CACNA1E: variants seen among roughly 807,000 people sequenced by gnomAD.
CACNA1E encodes the protein calcium voltage-gated channel subunit alpha1 E.
A neutral mutation model predicts 259.2 loss-of-function variants in CACNA1E; 40 were observed. That is an observed-to-expected ratio of 0.15 (90% CI 0.12 to 0.20). The LOEUF (loss-of-function observed/expected upper bound fraction) is 0.20. Ranked by LOEUF, CACNA1E falls within the 10% of genes least tolerant of loss-of-function variation. CACNA1E has a pLI of 1.00. For missense variants in CACNA1E, 1,874 were observed against 3,040.1 expected, an observed-to-expected ratio of 0.62 and a Z score of 9.02; for synonymous variants, 1,104 against 1,138.5, an observed-to-expected ratio of 0.97 and a Z score of 0.61.
intron 1 of CACNA1E, among the ~76,000 whole-genome samples, chr1:181,381,243 A>G (rs1386093290): frequency 1.3e-5 from 2 of 152,176 alleles, no homozygotes; most frequent in Non-Finnish European, 2.9e-5. Context: ...AAAAAATGAA[A>G]CAACTGAAAT....
intron 6 of CACNA1E, among the ~76,000 whole-genome samples, chr1:181,588,433 C>T (rs773167919): frequency 9.2e-5 from 14 of 152,204 alleles, no homozygotes; most frequent in South Asian, 2.1e-4. Flanking sequence ...TTCTCCCCAC[C>T]GCTCCCTCCC....
intron 2 of CACNA1E, among the ~76,000 whole-genome samples, chr1:181,461,912 T>C (rs1053169535): frequency 1.3e-5 from 2 of 151,612 alleles, no homozygotes; most frequent in African/African-American, 4.9e-5. Context: ...CCTTCTAGGC[T>C]TTTTTTTCCC....
At chr1:181,425,634 G>A (rs991624077) in intron 2 of CACNA1E, among the ~76,000 whole-genome samples, 1 of 148,444 alleles carries the variant, frequency 6.7e-6, no homozygotes, top group African/African-American at 2.5e-5. Flanking sequence ...GAAGGTGCAG[G>A]TGAGAAGGCT....
chr1:181,533,605 G>A (rs955935603), intron 3 of CACNA1E, among the ~76,000 whole-genome samples: 2 of 139,764 alleles, frequency 1.4e-5, no homozygotes, highest in African/African-American at 5.0e-5. Flanking sequence ...ATATGAATTA[G>A]AACTAACTTG....
chr1:181,401,593 A>G (rs976845439), intron 1 of CACNA1E, among the ~76,000 whole-genome samples: 2 of 151,336 alleles, frequency 1.3e-5, no homozygotes, highest in African/African-American at 4.9e-5. Flanking sequence ...GGCTTGTAAA[A>G]CCTCCAGTAT....
At chr1:181,479,889 G>A (rs1301533914), upstream of CACNA1E, among the ~76,000 whole-genome samples, 2 of 152,194 alleles carry the variant, frequency 1.3e-5, no homozygotes, top group African/African-American at 2.4e-5. Context: ...GTCAAGGGTC[G>A]TGATACATGT....
chr1:181,430,715 C>A (rs1483298992), intron 2 of CACNA1E, among the ~76,000 whole-genome samples: 1 of 152,204 alleles, frequency 6.6e-6, no homozygotes. Context: ...GGCTGTCTTT[C>A]ATTTTGAAAG....
intron 1 of CACNA1E, among the ~76,000 whole-genome samples, chr1:181,359,691 C>T (rs1204887460): frequency 2.0e-5 from 3 of 152,154 alleles, no homozygotes; most frequent in African/African-American, 7.2e-5. Flanking sequence ...CCGAGCTTCC[C>T]TGGTCTTTTC....
At chr1:181,625,765 G>A (rs932708652) in intron 6 of CACNA1E, among the ~76,000 whole-genome samples, 8 of 152,112 alleles carry the variant, frequency 5.3e-5, no homozygotes, top group Middle Eastern at 3.2e-3. Flanking sequence ...AATTTCCTTC[G>A]ACAACTTTTT....
At position 181,794,886 on chromosome 1, in the gene CACNA1E, T is replaced by C. The variant is rs369826974; in HGVS notation, c.6050T>C (p.Met2017Thr). 1.2e-6 allele frequency: 2 copies of C among 1,613,474 alleles called. No homozygotes were observed. The highest frequency in any genetic ancestry group is 1.3e-5 in the African/African-American group (1 of 74,934). The change falls in exon 46 of 48, where the codon ATG becomes ACG. Residue 2017 changes from methionine (M) to threonine (T), a missense_variant. This residue lies in a region of CACNA1E where 542 missense variants were observed against 587.2 expected (regional missense o/e 0.92). Coordinates refer to ENST00000367573, the MANE Select transcript of CACNA1E (RefSeq NM_001205293.3). ...DPQVVTDPSS[M>T]RRSFSTIRDK... Reference sequence around the variant, plus strand: ...CAGGTGGTGACAGACCCTAGCTCCATGAGACGTTCATTTTCCACTATTCGG... The same window carrying C: ...CAGGTGGTGACAGACCCTAGCTCCACGAGACGTTCATTTTCCACTATTCGG...
intron 3 of CACNA1E, among the ~76,000 whole-genome samples, chr1:181,562,933 A>G (rs1041755504): frequency 6.6e-6 from 1 of 152,228 alleles, no homozygotes; most frequent in African/African-American, 2.4e-5. Context: ...CAGTTCCTGT[A>G]TATAGGCACA....
intron 5 of CACNA1E, 126 bp downstream of exon 5, chr1:181,579,350 G>A (rs749056413): frequency 5.2e-6 from 4 of 766,018 alleles, no homozygotes; most frequent in Non-Finnish European, 8.3e-6. Context: ...AGAATCAGAA[G>A]CTTCTAGTCA....
At chr1:181,720,484 T>G in intron 14 of CACNA1E, 147 bp downstream of exon 14, 1 of 845,152 alleles carries the variant, frequency 1.2e-6, no homozygotes, top group Non-Finnish European at 1.8e-6. Flanking sequence ...AGTTCATATG[T>G]GGAGTAAACG....
intron 3 of CACNA1E, among the ~76,000 whole-genome samples, chr1:181,513,744 T>C (rs1007928872): frequency 2.6e-5 from 4 of 152,300 alleles, no homozygotes; most frequent in African/African-American, 9.6e-5. Flanking sequence ...AGGGTTCTTT[T>C]GTCAGCGAAG....
chr1:181,402,869 T>A (rs1033139311), intron 1 of CACNA1E, among the ~76,000 whole-genome samples: 2 of 152,242 alleles, frequency 1.3e-5, no homozygotes, highest in African/African-American at 4.8e-5. Flanking sequence ...AGGTAAGGAA[T>A]CAGATTTTGA....
chr1:181,654,722 C>T (rs781111157), intron 7 of CACNA1E, among the ~76,000 whole-genome samples: 4 of 152,150 alleles, frequency 2.6e-5, no homozygotes, highest in Admixed American at 6.5e-5. Flanking sequence ...CGCTGGCTCA[C>T]GCCTGTAATC....
intron 7 of CACNA1E, among the ~76,000 whole-genome samples, chr1:181,709,600 C>G (rs780253841): frequency 3.3e-5 from 5 of 152,208 alleles, no homozygotes; most frequent in Admixed American, 6.5e-5. Context: ...GCAGGACTTA[C>G]AGTGGGTGCT....
intron 3 of CACNA1E, among the ~76,000 whole-genome samples, chr1:181,575,865 A>T (rs1184527296): frequency 6.6e-6 from 1 of 152,154 alleles, no homozygotes; most frequent in Non-Finnish European, 1.5e-5. Flanking sequence ...GTGGTTCTCT[A>T]TCTCCACACC....
In CACNA1E at chr1:181,738,333, A is replaced by C. The variant is rs572890304; in HGVS notation, c.3553-34A>C. ...TCATGTAGTAGCCTGTTGGCCACACATGGTCATTTCCTTCCACCATATGTG... is the reference window on the plus strand; with the variant it reads ...TCATGTAGTAGCCTGTTGGCCACACCTGGTCATTTCCTTCCACCATATGTG... On this transcript the variant is annotated intron_variant, in intron 23 of 47. Transcript: ENST00000367573. 3.6e-4 allele frequency: 576 copies of C among 1,593,486 alleles called. 8 individuals carry two copies. The South Asian group carries it at 5.8e-3, about 16-fold the overall frequency.
Sources: gnomAD v4.1 joint callset for allele counts (sites outside exome capture counted in the v4.1 genomes callset) on GRCh38, gnomAD v4.1.1 for gene constraint, gnomAD v4.1.1 regional missense constraint, MANE v1.5 for transcripts, NCBI Gene and HGNC (gene_info 2026-07-23, HGNC 2026-07-21) for gene names.